Variants in CHST11 observed in about 807,000 individuals in gnomAD.
CHST11 encodes C4S-1.
Under a neutral mutation model 30.4 loss-of-function variants are expected in CHST11, and 9 were observed. The observed-to-expected ratio is 0.30, with a 90% CI of 0.18 to 0.52. The LOEUF (loss-of-function observed/expected upper bound fraction) is 0.52. CHST11 is among the 20% of genes least tolerant of loss of function. The pLI, the probability that CHST11 is intolerant of heterozygous loss-of-function variation, is 0.97. For missense variants in CHST11, 348 were observed against 460.6 expected (o/e 0.76, Z 2.24); for synonymous variants, 152 against 187.8 (o/e 0.81, Z 1.56).
At chr12:104,509,760 G>A (rs11112084) in intron 1 of CHST11, among the ~76,000 whole-genome samples, 21,203 of 152,226 alleles carry the variant, frequency 0.14, 1,669 homozygotes, top group East Asian at 0.34. Context: ...ATCCAGTGGG[G>A]CCTCTAATTT....
rs76327120 is a variant in CHST11 at position 104,664,801 on chromosome 12, C to T, written c.204+62810C>T. ...TGACATCCTAAAGTTTTACACGAGCCGGTTATGAAATTGCAAGAACTGTTT... is the reference window on the plus strand; with the variant it reads ...TGACATCCTAAAGTTTTACACGAGCTGGTTATGAAATTGCAAGAACTGTTT... On this transcript the variant is annotated intron_variant, in intron 2 of 2. Coordinates refer to ENST00000303694, the MANE Select transcript of CHST11 (RefSeq NM_018413.6). Among the ~76,000 whole-genome samples, 973 of 152,308 alleles carry T rather than the reference C, an allele frequency of 6.4e-3. 13 individuals carry two copies. Among genetic ancestry groups the T allele is most frequent in the African/African-American group, 0.023 (938 of 41,544 alleles).
At chr12:104,619,378 G>A (rs1310053393) in intron 2 of CHST11, among the ~76,000 whole-genome samples, 2 of 152,070 alleles carry the variant, frequency 1.3e-5, no homozygotes, top group Non-Finnish European at 2.9e-5. Flanking sequence ...TTAATTTTCC[G>A]GACACACACA....
rs1413563586 is a variant in CHST11 at position 104,548,345 on chromosome 12, A to G, written c.119-53561A>G. 4.6e-5 allele frequency among the ~76,000 whole-genome samples: 7 copies of G among 152,160 alleles called. No homozygotes were observed. In the East Asian group the frequency reaches 1.4e-3, roughly 29 times the overall value. On this transcript the variant is annotated intron_variant, in intron 1 of 2. Transcript: ENST00000303694. ...AAATTCTGATTTGTAGCATTTGCCA[A>G]TTTCCAGGGTGTAAATATTCCTATC...
intron 2 of CHST11, among the ~76,000 whole-genome samples, chr12:104,755,072 A>C (rs1357063217): frequency 6.6e-6 from 1 of 152,164 alleles, no homozygotes; most frequent in Non-Finnish European, 1.5e-5. Flanking sequence ...GGCTACCATG[A>C]TGCCCCTCAG....
At chr12:104,480,754 A>G (rs2037613839) in intron 1 of CHST11, among the ~76,000 whole-genome samples, 1 of 152,174 alleles carries the variant, frequency 6.6e-6, no homozygotes, top group Non-Finnish European at 1.5e-5. Context: ...GCCAGGAGCC[A>G]CCAGAAGCTG....
At chr12:104,685,542 G>T (rs1345974151) in intron 2 of CHST11, among the ~76,000 whole-genome samples, 1 of 152,188 alleles carries the variant, frequency 6.6e-6, no homozygotes, top group East Asian at 1.9e-4. Flanking sequence ...CTCATTAAAT[G>T]TGTGACCTCA....
At chr12:104,493,007 T>C (rs2037763520) in intron 1 of CHST11, among the ~76,000 whole-genome samples, 1 of 151,522 alleles carries the variant, frequency 6.6e-6, no homozygotes, top group African/African-American at 2.4e-5. Context: ...CACTCCAGCC[T>C]GGGCAACAGA....
At chr12:104,739,476 G>C (rs1352285001) in intron 2 of CHST11, among the ~76,000 whole-genome samples, 1 of 152,166 alleles carries the variant, frequency 6.6e-6, no homozygotes, top group East Asian at 1.9e-4. Flanking sequence ...TTACAGATGA[G>C]AATGCTGAGT....
intron 2 of CHST11, among the ~76,000 whole-genome samples, chr12:104,688,045 G>C (rs1220659018): frequency 1.3e-5 from 2 of 152,158 alleles, no homozygotes; most frequent in African/African-American, 4.8e-5. Flanking sequence ...GCATCAGATG[G>C]GCCTTCTGAT....
intron 1 of CHST11, among the ~76,000 whole-genome samples, chr12:104,507,889 G>C (rs975240240): frequency 6.6e-6 from 1 of 152,128 alleles, no homozygotes; most frequent in African/African-American, 2.4e-5. Context: ...TCACATGGCC[G>C]AGCCCAGCAT....
rs1429482311 is a variant in CHST11 at position 104,544,141 on chromosome 12, A to G, written c.119-57765A>G. ...CCTGTCTGTTAAAAAAAAAAAAAAA[A>G]GAAAGAAAGAAAGAAAGAAAGAAAG... is the stretch of plus-strand genomic sequence containing the variant. On this transcript the variant is annotated intron_variant, in intron 1 of 2. Coordinates refer to ENST00000303694, the MANE Select transcript of CHST11 (RefSeq NM_018413.6). 7.2e-4 allele frequency among the ~76,000 whole-genome samples: 26 copies of G among 35,912 alleles called. 8 individuals are homozygous for G. In the East Asian group the frequency reaches 0.27, roughly 368 times the overall value. 23.6% of individuals were successfully genotyped at this position (35,912 alleles called of 152,430 possible).
intron 1 of CHST11, chr12:104,553,312 A>C (rs577831806): frequency 6.6e-6 from 1 of 152,314 alleles, no homozygotes; most frequent in Admixed American, 6.5e-5. Flanking sequence ...TCACATACGA[A>C]GTGCACTTTG....
At chr12:104,566,993 G>A (rs1374678527) in intron 1 of CHST11, among the ~76,000 whole-genome samples, 1 of 152,010 alleles carries the variant, frequency 6.6e-6, no homozygotes, top group Non-Finnish European at 1.5e-5. Context: ...ACACACACAT[G>A]TATATGTAAA....
At chr12:104,731,847 G>A (rs188233670) in intron 2 of CHST11, among the ~76,000 whole-genome samples, 88 of 152,350 alleles carry the variant, frequency 5.8e-4, no homozygotes, top group Middle Eastern at 3.4e-3. Context: ...CTCCTTCAAG[G>A]TGCATTTGTT....
chr12:104,629,012 C>T (rs2039246042), intron 2 of CHST11, among the ~76,000 whole-genome samples: 1 of 152,174 alleles, frequency 6.6e-6, no homozygotes, highest in Non-Finnish European at 1.5e-5. Flanking sequence ...GTGAGGATAA[C>T]GGCACCCCAA....
chr12:104,619,532 A>G (rs2039140450), intron 2 of CHST11, among the ~76,000 whole-genome samples: 2 of 152,046 alleles, frequency 1.3e-5, no homozygotes. Flanking sequence ...TCGTGTTTCG[A>G]GCGCTCTCTT....
chr12:104,628,169 G>A (rs1192172797), intron 2 of CHST11, among the ~76,000 whole-genome samples: 1 of 152,056 alleles, frequency 6.6e-6, no homozygotes, highest in Non-Finnish European at 1.5e-5. Flanking sequence ...TGTATCTCAG[G>A]GCCCCGACAT....
At chr12:104,503,912 C>T (rs1478242150) in intron 1 of CHST11, among the ~76,000 whole-genome samples, 3 of 152,212 alleles carry the variant, frequency 2.0e-5, no homozygotes, top group Admixed American at 2.0e-4. Flanking sequence ...AAAAAGTCAT[C>T]AGGCAGATTC....
At chr12:104,747,669 G>A (rs547505167) in intron 2 of CHST11, among the ~76,000 whole-genome samples, 2 of 152,174 alleles carry the variant, frequency 1.3e-5, no homozygotes, top group Non-Finnish European at 2.9e-5. Flanking sequence ...TTTGCATTCA[G>A]ATTTTTAAGT....
Sources: gnomAD v4.1 joint callset for allele counts (sites outside exome capture counted in the v4.1 genomes callset) on GRCh38, gnomAD v4.1.1 for gene constraint, MANE v1.5 for transcripts, NCBI Gene and HGNC (gene_info 2026-07-23, HGNC 2026-07-21) for gene names.